Variants in ZBTB20 observed in about 807,000 individuals in gnomAD.
ZBTB20 encodes zinc finger and BTB domain-containing protein 20.
In ZBTB20, 9 loss-of-function variants were observed where a neutral mutation model predicts 56.9. That is an observed-to-expected ratio of 0.16 (90% confidence interval 0.10 to 0.28). ZBTB20 has a LOEUF of 0.28. ZBTB20 is among the 10% of genes least tolerant of loss of function. The pLI is 1.00. For synonymous variants in ZBTB20, 417 were observed against 420.7 expected (o/e 0.99, Z 0.11); for missense variants, 655 against 1,003.0 (o/e 0.65, Z 4.69).
intron 3 of ZBTB20, among the ~76,000 whole-genome samples, chr3:114,926,278 C>T (rs1040163663): frequency 9.9e-5 from 15 of 152,170 alleles, no homozygotes; most frequent in Non-Finnish European, 1.0e-4. Flanking sequence ...ATGACATTTG[C>T]TTAATACAAA....
chr3:114,844,369 A>ATATATATATT (rs1447271505), intron 4 of ZBTB20, among the ~76,000 whole-genome samples: 1 of 104,526 alleles, frequency 9.6e-6, no homozygotes, highest in African/African-American at 3.5e-5. Context: ...ATATATATAT[A>ATATATATATT]TATTAGCTGA....
intron 1 of ZBTB20, among the ~76,000 whole-genome samples, chr3:115,078,681 G>A (rs2082688034): frequency 1.3e-5 from 2 of 149,876 alleles, no homozygotes; most frequent in South Asian, 4.2e-4. Flanking sequence ...TATGGGGGTT[G>A]AGGTAGTTGG....
chr3:114,796,265 T>C (rs1365607863), intron 5 of ZBTB20, among the ~76,000 whole-genome samples: 1 of 151,882 alleles, frequency 6.6e-6, no homozygotes, highest in Non-Finnish European at 1.5e-5. Context: ...GATTTGCATA[T>C]GAAAAAATTG....
At chr3:114,440,533 A>G (rs1402868720) in intron 7 of ZBTB20, among the ~76,000 whole-genome samples, 1 of 152,092 alleles carries the variant, frequency 6.6e-6, no homozygotes, top group African/African-American at 2.4e-5. Flanking sequence ...ATTATTATAA[A>G]CTATTGATAA....
At chr3:114,897,707 C>T (rs588585) in intron 4 of ZBTB20, among the ~76,000 whole-genome samples, 6,602 of 152,062 alleles carry the variant, frequency 0.043, 473 homozygotes, top group African/African-American at 0.15. Context: ...TGGAAAAAAC[C>T]GATGTCTTTG....
At chr3:114,606,776 C>A (rs1463047715) in intron 6 of ZBTB20, among the ~76,000 whole-genome samples, 2 of 152,044 alleles carry the variant, frequency 1.3e-5, no homozygotes. Flanking sequence ...AACTGCAAGC[C>A]ATGGCTATTT....
At chr3:115,064,846 C>T (rs942046596) in intron 2 of ZBTB20, among the ~76,000 whole-genome samples, 4 of 152,022 alleles carry the variant, frequency 2.6e-5, no homozygotes, top group African/African-American at 9.7e-5. Flanking sequence ...TGTATGAGGC[C>T]TATATTTCTC....
chr3:114,622,686 A>C (rs17618807), intron 6 of ZBTB20, among the ~76,000 whole-genome samples: 3,904 of 152,280 alleles, frequency 0.026, 225 homozygotes, highest in Admixed American at 0.14. Flanking sequence ...GCTGAGTACC[A>C]ATGTAATACG....
At chr3:114,834,572 C>T (rs1275688316) in intron 4 of ZBTB20, among the ~76,000 whole-genome samples, 1 of 152,122 alleles carries the variant, frequency 6.6e-6, no homozygotes, top group East Asian at 1.9e-4. Flanking sequence ...TGCTTTGGTG[C>T]TAAAATATTT....
chr3:114,866,519 T>G (rs917859792), intron 4 of ZBTB20, among the ~76,000 whole-genome samples: 14 of 152,302 alleles, frequency 9.2e-5, no homozygotes, highest in Non-Finnish European at 4.4e-5. Flanking sequence ...TGCTCAGACA[T>G]TTGGTCAAAC....
intron 9 of ZBTB20, 59 bp downstream of exon 9, chr3:114,380,717 TC>T (rs1384610304): frequency 2.1e-6 from 3 of 1,459,276 alleles, no homozygotes; most frequent in Non-Finnish European, 2.7e-6. Context: ...CAAGAAAGCA[TC>T]CCTCTTCCCC....
At chr3:114,985,745 G>C (rs1363786275) in intron 2 of ZBTB20, among the ~76,000 whole-genome samples, 1 of 152,012 alleles carries the variant, frequency 6.6e-6, no homozygotes, top group Admixed American at 6.6e-5. Context: ...TTCATACAAT[G>C]TACAAATATC....
At chr3:114,531,319 C>G (rs1364125613) in intron 6 of ZBTB20, among the ~76,000 whole-genome samples, 1 of 152,268 alleles carries the variant, frequency 6.6e-6, no homozygotes, top group South Asian at 2.1e-4. Flanking sequence ...TCCTGTAGTG[C>G]TTTTATAGTC....
At chr3:114,891,245 G>A (rs1034180471) in intron 4 of ZBTB20, among the ~76,000 whole-genome samples, 2 of 152,138 alleles carry the variant, frequency 1.3e-5, no homozygotes, top group South Asian at 4.1e-4. Flanking sequence ...GACAGGGGAT[G>A]CTGAATTTAG....
At chr3:114,538,333 C>G (rs1287451931) in intron 6 of ZBTB20, among the ~76,000 whole-genome samples, 1 of 152,100 alleles carries the variant, frequency 6.6e-6, no homozygotes, top group African/African-American at 2.4e-5. Flanking sequence ...TCAATGTTTT[C>G]CACAATTCTT....
intron 4 of ZBTB20, among the ~76,000 whole-genome samples, chr3:114,881,385 A>G (rs1403045931): frequency 6.6e-6 from 1 of 152,060 alleles, no homozygotes; most frequent in Non-Finnish European, 1.5e-5. Flanking sequence ...TGTCCCGCTT[A>G]AATTACAACT....
rs988641337 is a variant in ZBTB20, at chr3:114,330,519, TA to T, written c.*8485del. ...TCTTTCACAAAGTCACTAGTACTGT[TA>T]ATTAAAGGAAAAAATAAAACCGAAA... On this transcript the variant is annotated 3_prime_UTR_variant, in exon 12 of 12. Coordinates refer to ENST00000675478, the MANE Select transcript of ZBTB20 (RefSeq NM_001348800.3). 6.6e-6 allele frequency: 1 copy of T among 152,204 alleles called. No individual in the cohort carries two copies. Among genetic ancestry groups the T allele is most frequent in the Non-Finnish European group, 1.5e-5 (1 of 68,042 alleles). The allele number at this position is 152,204 out of a possible 1,614,324, so 9.4% of individuals were successfully genotyped here.
chr3:115,031,171 T>G (rs977113979), intron 2 of ZBTB20, among the ~76,000 whole-genome samples: 1 of 151,492 alleles, frequency 6.6e-6, no homozygotes, highest in African/African-American at 2.4e-5. Flanking sequence ...AAGAACAGCT[T>G]CGGCTGTGCT....
intron 6 of ZBTB20, among the ~76,000 whole-genome samples, chr3:114,647,132 G>C (rs778931800): frequency 2.0e-5 from 3 of 151,928 alleles, no homozygotes; most frequent in Non-Finnish European, 4.4e-5. Context: ...CTAATTTTTT[G>C]TATTTTTAGT....
Sources: gnomAD v4.1 joint callset for allele counts (sites outside exome capture counted in the v4.1 genomes callset) on GRCh38, gnomAD v4.1.1 for gene constraint, MANE v1.5 for transcripts, NCBI Gene and HGNC (gene_info 2026-07-23, HGNC 2026-07-21) for gene names.